Variants in ATP2A3 observed in about 807,000 individuals in gnomAD.
ATP2A3 encodes the protein sarcoplasmic/endoplasmic reticulum calcium ATPase 3.
In ATP2A3, 61 loss-of-function variants were observed where a neutral mutation model predicts 106.8. That is an observed-to-expected ratio of 0.57 (90% CI 0.46 to 0.71). The LOEUF is 0.71. ATP2A3 is among the 30% of genes least tolerant of loss of function. The pLI, the probability that ATP2A3 is intolerant of heterozygous loss-of-function variation, is 0.00. For missense variants in ATP2A3, 1,201 were observed against 1,423.5 expected (o/e 0.84, Z 2.52); for synonymous variants, 611 against 609.3 (o/e 1.00, Z -0.04).
Position 3,953,464 on chromosome 17 carries a change from C to T in ATP2A3, c.137-35G>A. ...GGGGTCATGTGTGAGGCTGGGCCCC[C>T]ACCACTGACCCTGCCCACTCAGAGC... On this transcript the variant is annotated intron_variant, in intron 2 of 20. Coordinates refer to ENST00000397041, the MANE Select transcript of ATP2A3 (RefSeq NM_005173.4). This position sits in a 1 kb window ranked among gnomAD's most constrained non-coding sequence, Gnocchi z 5.1. 1 of 1,606,204 alleles carries T rather than the reference C, an allele frequency of 6.2e-7. No homozygotes were observed. The highest frequency in any genetic ancestry group is 2.2e-5 in the East Asian group (1 of 44,814).
At chr17:3,956,536 G>T (rs2676281) in intron 1 of ATP2A3, among the ~76,000 whole-genome samples, 2 of 152,098 alleles carry the variant, frequency 1.3e-5, no homozygotes, top group Non-Finnish European at 2.9e-5. Context: ...GACTAATTTC[G>T]AATTTTACTT....
At chr17:3,950,798 G>A (rs2054375632) in intron 5 of ATP2A3, 25 bp from the exon 6 acceptor site, 1 of 1,610,312 alleles carries the variant, frequency 6.2e-7, no homozygotes, top group African/African-American at 1.3e-5. Context: ...TGGCTTGGCT[G>A]AGGGTGGCTT....
intron 1 of ATP2A3, among the ~76,000 whole-genome samples, chr17:3,960,414 C>T (rs1036312461): frequency 2.6e-5 from 4 of 152,228 alleles, no homozygotes; most frequent in Admixed American, 6.5e-5. Context: ...GCACATGGGC[C>T]GCGTGTGGCC....
intron 7 of ATP2A3, among the ~76,000 whole-genome samples, chr17:3,949,110 A>G (rs2054274243): frequency 7.1e-6 from 1 of 141,724 alleles, no homozygotes; most frequent in African/African-American, 2.7e-5. Flanking sequence ...CATGGGTGAC[A>G]GAGTGAGACT....
At position 3,930,141 on chromosome 17, in the gene ATP2A3, GAT is replaced by G. The variant is rs1237414250; in HGVS notation, c.2744+158_2744+159del. ...CCTGGACCCCTGACCCTCAGACACT[GAT>G]ACTGGAACCCCCAGCCCTCAGCCCC... On this transcript the variant is annotated intron_variant, in intron 18 of 20. Coordinates refer to ENST00000397041, the MANE Select transcript of ATP2A3 (RefSeq NM_005173.4). The surrounding 1 kb of genome is among the most constrained non-coding windows in gnomAD (Gnocchi z 5.4). 1.4e-4 allele frequency among the ~76,000 whole-genome samples: 20 copies of G among 146,590 alleles called. No individual in the cohort carries two copies. The highest frequency in any genetic ancestry group is 5.2e-4 in the African/African-American group (20 of 38,238).
At chr17:3,961,541 C>T (rs993820518) in intron 1 of ATP2A3, among the ~76,000 whole-genome samples, 1 of 152,116 alleles carries the variant, frequency 6.6e-6, no homozygotes, top group Non-Finnish European at 1.5e-5. Flanking sequence ...GGTGGGATGC[C>T]CAGCCGCTGC....
intron 17 of ATP2A3, among the ~76,000 whole-genome samples, chr17:3,932,591 C>T (rs114872152): frequency 0.012 from 1,782 of 152,300 alleles, 11 homozygotes; most frequent in Middle Eastern, 0.048. Flanking sequence ...AGGCCTGAGC[C>T]GTCACTGTTG....
At position 3,947,754 on chromosome 17, in the gene ATP2A3, G is replaced by A. The variant is rs772412687; in HGVS notation, c.732C>T (p.Pro244=). 2.3e-5 allele frequency: 37 copies of A among 1,605,810 alleles called. No individual in the cohort carries two copies. Among genetic ancestry groups the A allele is most frequent in the Middle Eastern group, 1.6e-4 (1 of 6,084 alleles). ...GCTTGCGCTGCAGCGGCGTCCGCTCGGGCTCGACTGCCGCCATCTGGCTCC... is the reference window on the plus strand; with the variant it reads ...GCTTGCGCTGCAGCGGCGTCCGCTCAGGCTCGACTGCCGCCATCTGGCTCC... ...KIRSQMAAVE[P]ERTPLQRKLD... is the part of the protein sequence containing the mutation. The change falls in exon 8 of 21, where the codon CCC becomes CCT. Residue 244 remains proline (P), a synonymous_variant. Transcript: ENST00000397041. The surrounding 1 kb of genome is among the most constrained non-coding windows in gnomAD (Gnocchi z 7.7).
intron 1 of ATP2A3, among the ~76,000 whole-genome samples, chr17:3,954,546 G>C (rs532480148): frequency 1.1e-3 from 157 of 148,994 alleles, no homozygotes; most frequent in African/African-American, 3.7e-3. Flanking sequence ...GCCCAGGCCA[G>C]AGTGCAGTGG....
intron 1 of ATP2A3, among the ~76,000 whole-genome samples, chr17:3,958,898 A>ATAT (rs1362143182): frequency 2.3e-5 from 3 of 129,450 alleles, no homozygotes; most frequent in African/African-American, 9.0e-5. Context: ...ATATATATAT[A>ATAT]TTGTTTTTTT....
intron 20 of ATP2A3, chr17:3,927,332 C>T: frequency 1.0e-6 from 1 of 985,488 alleles, no homozygotes; most frequent in Non-Finnish European, 1.2e-6. Flanking sequence ...TAAGTTTTCT[C>T]AAGAAAATCT....
chr17:3,949,300 T>G (rs1210960904), intron 7 of ATP2A3, among the ~76,000 whole-genome samples: 1 of 152,304 alleles, frequency 6.6e-6, no homozygotes, highest in East Asian at 1.9e-4. Flanking sequence ...CTCAGGCTAC[T>G]GCGGGGCAGC....
chr17:3,943,533 C>A lies in ATP2A3; in HGVS notation c.1288-11G>T. The A allele has an allele frequency of 2.5e-6, 4 of 1,614,000 alleles. No individual in the cohort carries two copies. The highest frequency in any genetic ancestry group is 3.4e-6 in the Non-Finnish European group (4 of 1,179,910). On this transcript the variant is annotated splice_polypyrimidine_tract_variant and intron_variant, in intron 10 of 20. Transcript: ENST00000397041. Reference sequence around the variant, plus strand: ...ATACACACCCTTGGCCTGGCAAGGACCCAGGGGATAGGGAGTGAGGGGCAG... The same window carrying A: ...ATACACACCCTTGGCCTGGCAAGGAACCAGGGGATAGGGAGTGAGGGGCAG...
At chr17:3,948,189 TA>T (rs1303465900) in intron 7 of ATP2A3, among the ~76,000 whole-genome samples, 2 of 152,182 alleles carry the variant, frequency 1.3e-5, no homozygotes, top group African/African-American at 2.4e-5. Flanking sequence ...TGTGATTTCG[TA>T]AACAATCACT....
intron 1 of ATP2A3, among the ~76,000 whole-genome samples, chr17:3,954,433 C>G (rs1167819260): frequency 1.3e-5 from 2 of 151,654 alleles, no homozygotes; most frequent in Non-Finnish European, 2.9e-5. Flanking sequence ...AGTCGCCCCC[C>G]ACACAACATG....
Position 3,930,566 on chromosome 17 carries a change from G to T in ATP2A3, c.2611-132C>A. 1 of 1,387,180 alleles carries T rather than the reference G, an allele frequency of 7.2e-7. No homozygotes were observed. The highest frequency in any genetic ancestry group is 9.9e-7 in the Non-Finnish European group (1 of 1,011,046). 85.9% of individuals were successfully genotyped at this position (1,387,180 alleles called of 1,614,324 possible). A position where few individuals can be genotyped will look rare whatever the true frequency, so the allele number is the denominator to read the frequency against. On this transcript the variant is annotated intron_variant, in intron 17 of 20. Coordinates refer to ENST00000397041, the MANE Select transcript of ATP2A3 (RefSeq NM_005173.4). The surrounding 1 kb of genome is among the most constrained non-coding windows in gnomAD (Gnocchi z 5.4). ...AGCACACAAAACACTGCCGTGGGGT[G>T]GGCTGGGGATCCCGGGAGGGGTGCG...
chr17:3,947,454 G>A lies in ATP2A3; in HGVS notation c.1032C>T (p.Cys344=). Residue 344 remains cysteine (C), a synonymous_variant, in exon 8 of 21, where the codon TGC becomes TGT. Transcript: ENST00000397041. The surrounding 1 kb of genome is among the most constrained non-coding windows in gnomAD (Gnocchi z 7.7). ...RSLPSVETLG[C]TSVICSDKTG... is the part of the protein sequence containing the mutation. ...TCTTGTCGGAGCAGATGACTGAGGT[G>A]CAGCCCAGGGTCTCCACGGACGGCA... 1.2e-6 allele frequency: 2 copies of A among 1,613,880 alleles called. No homozygotes were observed. The highest frequency in any genetic ancestry group is 1.1e-5 in the South Asian group (1 of 91,090).
chr17:3,937,468 T>C lies in ATP2A3; in HGVS notation c.2269A>G (p.Met757Val), dbSNP rs1376028478. Residue 757 changes from methionine (M) to valine (V), a missense_variant, in exon 15 of 21, where the codon ATG (methionine) becomes GTG (valine). Physicochemically the swap from Met to Val is conservative, Grantham distance 21. This residue lies in a region of ATP2A3 where 935 missense variants were observed against 1,176.7 expected (regional missense o/e 0.79). Coordinates refer to ENST00000397041, the MANE Select transcript of ATP2A3 (RefSeq NM_005173.4). ...ATGAGGTAGCGGATGAATTGCTTCA[T>C]GTTGCTGTAGATGGCCCGGCCCTCC... Reference protein sequence around the residue: ...VEEGRAIYSNMKQFIRYLISS... With the variant: ...VEEGRAIYSNVKQFIRYLISS... 6 of 1,612,906 alleles carry C rather than the reference T, an allele frequency of 3.7e-6. No individual in the cohort carries two copies. Among genetic ancestry groups the C allele is most frequent in the Non-Finnish European group, 5.1e-6 (6 of 1,179,166 alleles).
In ATP2A3 at chr17:3,930,590, CG is replaced by C. The variant is rs2144260581; in HGVS notation, c.2611-157del. On this transcript the variant is annotated intron_variant, in intron 17 of 20. Transcript: ENST00000397041. This position sits in a 1 kb window ranked among gnomAD's most constrained non-coding sequence, Gnocchi z 5.4. ...TGGGCTGGGGATCCCGGGAGGGGTGCGGGGTCGGGGCGGCGGTGGGGAGAGC... is the reference window on the plus strand; with the variant it reads ...TGGGCTGGGGATCCCGGGAGGGGTGCGGGTCGGGGCGGCGGTGGGGAGAGC... 1 of 374,006 alleles carries C rather than the reference CG, an allele frequency of 2.7e-6. No homozygotes were observed. The highest frequency in any genetic ancestry group is 3.1e-5 in the Admixed American group (1 of 32,256). The allele number at this position is 374,006 out of a possible 1,614,324, so 23.2% of individuals were successfully genotyped here.
Sources: allele counts gnomAD v4.1 joint callset (sites outside exome capture counted in the v4.1 genomes callset), GRCh38; gene constraint gnomAD v4.1.1; regional missense constraint gnomAD v4.1.1; non-coding constraint Gnocchi (gnomAD v3.1); transcripts MANE v1.5; gene names NCBI Gene and HGNC (gene_info 2026-07-23, HGNC 2026-07-21).